The following FIP1L1 variants were observed in gnomAD, a reference collection of about 807,000 sequenced individuals.
The protein encoded by FIP1L1 is pre-mRNA 3'-end-processing factor FIP1.
A neutral mutation model predicts 84.6 loss-of-function variants in FIP1L1; 21 were observed. The ratio of observed to expected loss-of-function variants is 0.25; its 90% CI spans 0.18 to 0.36. The LOEUF is 0.36. Ranked by LOEUF, FIP1L1 falls within the 10% of genes least tolerant of loss-of-function variation. The pLI is 1.00. For synonymous variants in FIP1L1, 263 were observed against 242.3 expected, an observed-to-expected ratio of 1.09 and a Z score of -0.80; for missense variants, 526 against 751.1, an observed-to-expected ratio of 0.70 and a Z score of 3.50.
chr4:53,414,835 T>A, intron 11 of FIP1L1, 113 bp downstream of exon 11: 1 of 685,712 alleles, frequency 1.5e-6, no homozygotes, highest in Non-Finnish European at 2.5e-6. Flanking sequence ...CCCTCCAACT[T>A]ATGCTTTTTC....
chr4:53,421,488 A>T (rs895466449), intron 11 of FIP1L1, among the ~76,000 whole-genome samples: 2 of 152,120 alleles, frequency 1.3e-5, no homozygotes, highest in Admixed American at 6.5e-5. Context: ...CTCTTTCCTA[A>T]CGTAGCTTAA....
chr4:53,417,663 A>AG (rs1363265747), intron 11 of FIP1L1, among the ~76,000 whole-genome samples: 2 of 148,350 alleles, frequency 1.3e-5, no homozygotes, highest in African/African-American at 2.5e-5. Flanking sequence ...AAAAAAAAAA[A>AG]AAAGAAAAGA....
chr4:53,459,741 A>AGATT lies in FIP1L1; in HGVS notation c.*293_*296dup, dbSNP rs1455225653. On this transcript the variant is annotated 3_prime_UTR_variant, in exon 18 of 18. Transcript: ENST00000337488. ...AGCTGTGTTAGCTGTGTACATACAC[A>AGATT]GATTATCTGAGAAAAGGTCAAGGGT... 2.8e-6 allele frequency: 1 copy of AGATT among 362,122 alleles called. No homozygotes were observed. Among genetic ancestry groups the AGATT allele is most frequent in the Admixed American group, 4.4e-5 (1 of 22,508 alleles). 22.4% of individuals were successfully genotyped at this position (362,122 alleles called of 1,614,324 possible).
intron 7 of FIP1L1, 74 bp from the exon 8 acceptor site, chr4:53,390,935 G>A: frequency 1.7e-6 from 2 of 1,209,814 alleles, no homozygotes; most frequent in African/African-American, 1.6e-5. Context: ...TATTTTTATA[G>A]TTTAGTATAT....
chr4:53,420,197 C>CAAAA (rs1166566869), intron 11 of FIP1L1, among the ~76,000 whole-genome samples: 245 of 17,538 alleles, frequency 0.014, 59 homozygotes, highest in Middle Eastern at 0.071. Context: ...GACTCCGTCT[C>CAAAA]AAAAAAAAAA....
At chr4:53,412,191 A>G (rs1403999835) in intron 10 of FIP1L1, among the ~76,000 whole-genome samples, 1 of 152,044 alleles carries the variant, frequency 6.6e-6, no homozygotes, top group Non-Finnish European at 1.5e-5. Flanking sequence ...TTACTGAGCC[A>G]TTTGAATATT....
At chr4:53,421,510 C>G (rs1762423377) in intron 11 of FIP1L1, among the ~76,000 whole-genome samples, 1 of 152,194 alleles carries the variant, frequency 6.6e-6, no homozygotes, top group African/African-American at 2.4e-5. Flanking sequence ...AGATGCTACA[C>G]AATTTCCATG....
At chr4:53,405,149 A>G (rs1269726007) in intron 10 of FIP1L1, among the ~76,000 whole-genome samples, 6 of 152,140 alleles carry the variant, frequency 3.9e-5, no homozygotes, top group South Asian at 2.1e-4. Context: ...TAGGTCTAAC[A>G]TTTAAGTCTT....
At chr4:53,381,753 C>CTTTTTTTTTTTTTGTTTTTTTT (rs1738077773) in intron 3 of FIP1L1, among the ~76,000 whole-genome samples, 1 of 87,948 alleles carries the variant, frequency 1.1e-5, no homozygotes, top group African/African-American at 5.6e-5. Flanking sequence ...CATTTGCATT[C>CTTTTTTTTTTTTTGTTTTTTTT]TTTTTTTTTT....
chr4:53,428,397 A>G (rs1477024568), intron 13 of FIP1L1, among the ~76,000 whole-genome samples: 3 of 152,244 alleles, frequency 2.0e-5, no homozygotes, highest in Non-Finnish European at 2.9e-5. Context: ...AAGAATATAC[A>G]GATACCAATC....
In FIP1L1 at chr4:53,413,216, T is replaced by G. The variant is rs59555809; in HGVS notation, c.816-1399T>G. Among the ~76,000 whole-genome samples, 1,415 of 152,122 alleles carry G rather than the reference T, an allele frequency of 9.3e-3. 21 individuals are homozygous for G. The highest frequency in any genetic ancestry group is 0.033 in the African/African-American group (1,352 of 41,524). On this transcript the variant is annotated intron_variant, in intron 10 of 17. Coordinates refer to ENST00000337488, the MANE Select transcript of FIP1L1 (RefSeq NM_030917.4). Reference sequence around the variant, plus strand: ...GCATTACCAGGATGTTCCAGGCTTATCTTGTAGTTTCCCTGTTTCTTCCTT... The same window carrying G: ...GCATTACCAGGATGTTCCAGGCTTAGCTTGTAGTTTCCCTGTTTCTTCCTT...
At chr4:53,389,328 G>A (rs1742877520) in intron 5 of FIP1L1, among the ~76,000 whole-genome samples, 1 of 152,114 alleles carries the variant, frequency 6.6e-6, no homozygotes, top group Non-Finnish European at 1.5e-5. Context: ...TAATAACTGG[G>A]AGGCAAGGAA....
At chr4:53,428,591 T>A (rs1765260822) in intron 13 of FIP1L1, among the ~76,000 whole-genome samples, 1 of 144,678 alleles carries the variant, frequency 6.9e-6, no homozygotes. Flanking sequence ...AATATTTCAG[T>A]CTGGTCTTCT....
rs1560600597 is a variant in FIP1L1 at position 53,460,383 on chromosome 4, A to ATT, written c.*934_*935insTT. ...AAATAACATGGTATTTGAAAGAATA[A>ATT]ATTACTAGGATCTTTTAAATAGTGA... On this transcript the variant is annotated 3_prime_UTR_variant, in exon 18 of 18. Coordinates refer to ENST00000337488, the MANE Select transcript of FIP1L1 (RefSeq NM_030917.4). The ATT allele has an allele frequency of 1.1e-5, 2 of 189,246 alleles. No homozygotes were observed. Among genetic ancestry groups the ATT allele is most frequent in the African/African-American group, 4.7e-5 (2 of 42,812 alleles). 11.7% of individuals were successfully genotyped at this position (189,246 alleles called of 1,614,324 possible).
chr4:53,401,422 C>T (rs575365482), intron 10 of FIP1L1, among the ~76,000 whole-genome samples: 15 of 152,200 alleles, frequency 9.9e-5, no homozygotes, highest in East Asian at 7.7e-4. Flanking sequence ...TCGATTTAGT[C>T]GCTTTACTAA....
intron 16 of FIP1L1, 35 bp from the exon 17 acceptor site, chr4:53,458,618 C>T (rs1232012846): frequency 6.3e-7 from 1 of 1,599,800 alleles, no homozygotes; most frequent in Admixed American, 1.7e-5. Context: ...ATTAATGGTC[C>T]AGTTGTCAAG....
chr4:53,440,245 A>C (rs1160019643), intron 13 of FIP1L1, among the ~76,000 whole-genome samples: 2 of 152,072 alleles, frequency 1.3e-5, no homozygotes, highest in African/African-American at 4.8e-5. Flanking sequence ...TAAAATAACA[A>C]CCTCAGGCAT....
intron 13 of FIP1L1, among the ~76,000 whole-genome samples, chr4:53,435,088 C>CA (rs916693508): frequency 2.0e-5 from 3 of 152,088 alleles, no homozygotes; most frequent in African/African-American, 7.2e-5. Context: ...AAAAAGAACT[C>CA]AAAGTTTTTG....
In FIP1L1 at chr4:53,419,960, G is replaced by C. The variant is rs564736036; in HGVS notation, c.923+5238G>C. ...GCGGTGGCTCACGCCTGTAATCCCAGCACTTTGGGAGGCCGAGGCGGGTGG... is the reference window on the plus strand; with the variant it reads ...GCGGTGGCTCACGCCTGTAATCCCACCACTTTGGGAGGCCGAGGCGGGTGG... On this transcript the variant is annotated intron_variant, in intron 11 of 17. Transcript: ENST00000337488. Among the ~76,000 whole-genome samples, 6 of 152,112 alleles carry C rather than the reference G, an allele frequency of 3.9e-5. No homozygotes were observed. The East Asian group carries it at 1.2e-3, about 30-fold the overall frequency.
Sources: gnomAD v4.1 joint callset for allele counts (sites outside exome capture counted in the v4.1 genomes callset) on GRCh38, gnomAD v4.1.1 for gene constraint, MANE v1.5 for transcripts, NCBI Gene and HGNC (gene_info 2026-07-23, HGNC 2026-07-21) for gene names.